PRKN: variants seen among roughly 807,000 people sequenced by gnomAD.
PRKN encodes E3 ubiquitin-protein ligase parkin.
PRKN carries 56 observed loss-of-function variants against 59.5 expected under a neutral mutation model. The observed-to-expected ratio is 0.94, with a 90% CI of 0.76 to 1.18. PRKN has a LOEUF of 1.18. Ranked by LOEUF, PRKN falls within the 50% of genes most tolerant of loss-of-function variation. PRKN has a pLI of 0.00. For missense variants in PRKN, 657 were observed against 596.4 expected (o/e 1.10, Z -1.06); for synonymous variants, 250 against 222.1 (o/e 1.13, Z -1.12).
At chr6:162,700,742 A>C (rs1778123978) in intron 1 of PRKN, among the ~76,000 whole-genome samples, 1 of 151,974 alleles carries the variant, frequency 6.6e-6, no homozygotes, top group Non-Finnish European at 1.5e-5. Context: ...TATCCTCAAC[A>C]TCATATGCTT....
intron 1 of PRKN, among the ~76,000 whole-genome samples, chr6:162,483,587 GGGAAA>G (rs1021482138): frequency 1.3e-5 from 2 of 151,770 alleles, no homozygotes; most frequent in Non-Finnish European, 2.9e-5. Context: ...GAGGGAGACG[GGGAAA>G]GGAAAGAAGA....
chr6:161,757,715 G>C (rs1788986252), intron 7 of PRKN, among the ~76,000 whole-genome samples: 1 of 151,628 alleles, frequency 6.6e-6, no homozygotes, highest in African/African-American at 2.4e-5. Context: ...GCGTGTGCCT[G>C]TAATCCCAGC....
At chr6:162,222,294 T>C (rs1777970951) in intron 3 of PRKN, among the ~76,000 whole-genome samples, 1 of 152,148 alleles carries the variant, frequency 6.6e-6, no homozygotes, top group Non-Finnish European at 1.5e-5. Flanking sequence ...CAGAAATCGG[T>C]TGATTTTGAA....
Position 161,527,099 on chromosome 6 carries a change from C to T in PRKN, c.1083+21755G>A, listed in dbSNP as rs1454237586. Among the ~76,000 whole-genome samples the T allele has an allele frequency of 1.3e-5, 2 of 152,156 alleles. No individual in the cohort carries two copies. The highest frequency in any genetic ancestry group is 2.9e-5 in the Non-Finnish European group (2 of 68,034). ...AGAGTCTGTCTGGGTAAGGTATCAC[C>T]TCCAATCTTACCTCCTGTGATAAGA... On this transcript the variant is annotated intron_variant, in intron 9 of 11. Transcript: ENST00000366898. The surrounding 1 kb of genome is among the most constrained non-coding windows in gnomAD (Gnocchi z 4.6).
At chr6:162,154,152 C>T (rs1043369329) in intron 4 of PRKN, among the ~76,000 whole-genome samples, 1 of 152,084 alleles carries the variant, frequency 6.6e-6, no homozygotes, top group African/African-American at 2.4e-5. Flanking sequence ...TAGCCTCTCT[C>T]CCACCACACT....
At chr6:162,045,746 G>T (rs1341516788) in intron 5 of PRKN, among the ~76,000 whole-genome samples, 1 of 152,082 alleles carries the variant, frequency 6.6e-6, no homozygotes, top group Non-Finnish European at 1.5e-5. Flanking sequence ...TCAATCACCT[G>T]CTGGAAGGAC....
chr6:162,368,399 AT>A (rs1371196182), intron 2 of PRKN, among the ~76,000 whole-genome samples: 1 of 152,174 alleles, frequency 6.6e-6, no homozygotes, highest in Non-Finnish European at 1.5e-5. Flanking sequence ...CTGTTGCCAA[AT>A]GCCAGGAATT....
At position 161,422,197 on chromosome 6, in the gene PRKN, C is replaced by CTT. The variant is rs527857631; in HGVS notation, c.1084-35322_1084-35321dup. ...CCGACTAAGGAAACACAAATAAAAT[C>CTT]TTTTTTTTTTTTTTTTTTTGAGATG... On this transcript the variant is annotated intron_variant, in intron 9 of 11. Transcript: ENST00000366898. Among the ~76,000 whole-genome samples the CTT allele has an allele frequency of 1.0e-3, 131 of 130,052 alleles. 1 individual carries two copies. Among genetic ancestry groups the CTT allele is most frequent in the African/African-American group, 2.9e-3 (98 of 33,762 alleles). 85.3% of individuals were successfully genotyped at this position (130,052 alleles called of 152,430 possible).
intron 5 of PRKN, among the ~76,000 whole-genome samples, chr6:161,987,954 A>G (rs1165083667): frequency 1.3e-5 from 2 of 152,200 alleles, no homozygotes; most frequent in South Asian, 2.1e-4. Context: ...AACATCCCAC[A>G]AGGCAAGAAG....
chr6:161,618,453 T>G (rs1052136983), intron 7 of PRKN, among the ~76,000 whole-genome samples: 1 of 152,118 alleles, frequency 6.6e-6, no homozygotes, highest in African/African-American at 2.4e-5. Context: ...CTTGCCCAAA[T>G]TTTTCCCCAG....
intron 5 of PRKN, among the ~76,000 whole-genome samples, chr6:161,990,752 T>C (rs764927349): frequency 3.9e-5 from 6 of 152,156 alleles, no homozygotes; most frequent in South Asian, 2.1e-4. Flanking sequence ...CTATGGGATA[T>C]ATGGGACACC....
At chr6:162,406,886 G>C (rs956573386) in intron 2 of PRKN, among the ~76,000 whole-genome samples, 4 of 151,996 alleles carry the variant, frequency 2.6e-5, no homozygotes, top group African/African-American at 9.7e-5. Context: ...TTATTTAGTA[G>C]ATCTGGTATG....
intron 6 of PRKN, among the ~76,000 whole-genome samples, chr6:161,836,490 G>A (rs1200691850): frequency 6.6e-6 from 1 of 152,160 alleles, no homozygotes. Context: ...GAAGCAAAGC[G>A]TGAATGAGAG....
chr6:162,238,849 A>G (rs1778857980), intron 3 of PRKN, among the ~76,000 whole-genome samples: 1 of 152,222 alleles, frequency 6.6e-6, no homozygotes, highest in African/African-American at 2.4e-5. Context: ...CACGTGGAGC[A>G]GGAAGCAAAG....
At chr6:162,125,575 G>C (rs930248422) in intron 4 of PRKN, among the ~76,000 whole-genome samples, 5 of 152,134 alleles carry the variant, frequency 3.3e-5, no homozygotes, top group Non-Finnish European at 5.9e-5. Context: ...CTAGGGAAAA[G>C]ATCCCATACC....
rs146720556 is a variant in PRKN at position 162,585,688 on chromosome 6, CATTATT to C, written c.7+141968_7+141973del. Among the ~76,000 whole-genome samples, 14 of 151,720 alleles carry C rather than the reference CATTATT, an allele frequency of 9.2e-5. No individual in the cohort carries two copies. The East Asian group carries it at 1.5e-3, about 17-fold the overall frequency. On this transcript the variant is annotated intron_variant, in intron 1 of 11. Transcript: ENST00000366898. ...ATATACTGAGTATTTCATAGACTTACATTATTATTATTATTATTAATTTATTTATTT... is the reference window on the plus strand; with the variant it reads ...ATATACTGAGTATTTCATAGACTTACATTATTATTATTAATTTATTTATTT...
intron 1 of PRKN, chr6:162,695,187 T>A (rs549991864): frequency 1.3e-5 from 2 of 152,276 alleles, no homozygotes; most frequent in South Asian, 4.1e-4. Flanking sequence ...TCCAAGACAT[T>A]TAGCCAGCAC....
At chr6:161,901,708 CA>C (rs1777922588) in intron 6 of PRKN, among the ~76,000 whole-genome samples, 1 of 152,110 alleles carries the variant, frequency 6.6e-6, no homozygotes, top group Non-Finnish European at 1.5e-5. Context: ...CAAATATTAA[CA>C]AGAACAGGTT....
At chr6:162,031,387 A>G (rs1416328496) in intron 5 of PRKN, among the ~76,000 whole-genome samples, 1 of 148,148 alleles carries the variant, frequency 6.8e-6, no homozygotes. Flanking sequence ...CCCATCCTCC[A>G]CATCCCTCTC....
Sources: gnomAD v4.1 joint callset for allele counts (sites outside exome capture counted in the v4.1 genomes callset) on GRCh38, gnomAD v4.1.1 for gene constraint, Gnocchi (gnomAD v3.1) non-coding constraint, MANE v1.5 for transcripts, NCBI Gene and HGNC (gene_info 2026-07-23, HGNC 2026-07-21) for gene names.